RAP1GAP2: variants seen among roughly 807,000 people sequenced by gnomAD.
RAP1GAP2 encodes the protein RAP1 GTPase activating protein 2.
A neutral mutation model predicts 95.0 loss-of-function variants in RAP1GAP2; 27 were observed. The ratio of observed to expected loss-of-function variants is 0.28; its 90% confidence interval spans 0.21 to 0.39. RAP1GAP2 has a LOEUF of 0.39. Ranked by LOEUF, RAP1GAP2 falls within the 10% of genes least tolerant of loss-of-function variation. The probability of loss-of-function intolerance (pLI) is 1.00; values close to 1 mark genes in which losing one functional copy is unlikely to be tolerated. For synonymous variants in RAP1GAP2, 373 were observed against 380.9 expected, an observed-to-expected ratio of 0.98 and a Z score of 0.24; for missense variants, 771 against 970.0, an observed-to-expected ratio of 0.79 and a Z score of 2.72.
Position 2,871,377 on chromosome 17 carries a change from C to T in RAP1GAP2, c.81-33907C>T, listed in dbSNP as rs1371740758. On this transcript the variant is annotated intron_variant, in intron 2 of 24. Transcript: ENST00000254695. The surrounding 1 kb of genome is among the most constrained non-coding windows in gnomAD (Gnocchi z 5.0). ...ATTGGCCTGGATTGTGTGTCCATCTCAGTCCCTATGTGCAGGGGTGGGAGC... is the reference window on the plus strand; with the variant it reads ...ATTGGCCTGGATTGTGTGTCCATCTTAGTCCCTATGTGCAGGGGTGGGAGC... 1.3e-5 allele frequency among the ~76,000 whole-genome samples: 2 copies of T among 152,198 alleles called. No homozygotes were observed. The highest frequency in any genetic ancestry group is 2.4e-5 in the African/African-American group (1 of 41,452).
At chr17:2,838,319 T>C (rs969278259) in intron 2 of RAP1GAP2, among the ~76,000 whole-genome samples, 20 of 151,964 alleles carry the variant, frequency 1.3e-4, no homozygotes, top group Admixed American at 3.9e-4. Context: ...CGCCCGGCCT[T>C]GTGTTCCTTC....
At chr17:2,787,800 C>T (rs572084978) in intron 1 of RAP1GAP2, among the ~76,000 whole-genome samples, 13 of 152,160 alleles carry the variant, frequency 8.5e-5, no homozygotes, top group Admixed American at 6.5e-5. Context: ...ATCTCCTGAC[C>T]TCGTGATCTG....
chr17:2,948,884 C>T (rs960224842), intron 3 of RAP1GAP2, among the ~76,000 whole-genome samples: 3 of 152,196 alleles, frequency 2.0e-5, no homozygotes, highest in African/African-American at 4.8e-5. Flanking sequence ...GCTTCTTCTG[C>T]TTTGCCGCCT....
In RAP1GAP2 at chr17:3,027,087, GGT is replaced by G; in HGVS notation, c.2107+25_2107+26del. The G allele has an allele frequency of 6.4e-7, 1 of 1,566,818 alleles. No individual in the cohort carries two copies. The highest frequency in any genetic ancestry group is 2.4e-5 in the East Asian group (1 of 42,150). ...GTCCCACAGGTCAGTGGCATCTGGT[GGT>G]GTGTGTGACGTCACCAGGAGGGCAG... On this transcript the variant is annotated intron_variant, in intron 22 of 24. Coordinates refer to ENST00000254695, the MANE Select transcript of RAP1GAP2 (RefSeq NM_015085.5). The surrounding 1 kb of genome is among the most constrained non-coding windows in gnomAD (Gnocchi z 5.2).
chr17:2,949,271 A>C (rs991715692), intron 3 of RAP1GAP2, among the ~76,000 whole-genome samples: 1 of 152,196 alleles, frequency 6.6e-6, no homozygotes, highest in African/African-American at 2.4e-5. Flanking sequence ...GGACGCTGCT[A>C]TTGATGAGGA....
chr17:2,986,741 C>T (rs2151552325), intron 11 of RAP1GAP2, among the ~76,000 whole-genome samples: 1 of 152,252 alleles, frequency 6.6e-6, no homozygotes, highest in African/African-American at 2.4e-5. Flanking sequence ...TCCCTGAGTG[C>T]ACAGTCCAGC....
intron 3 of RAP1GAP2, among the ~76,000 whole-genome samples, chr17:2,935,595 G>A (rs936470767): frequency 2.0e-5 from 3 of 151,472 alleles, no homozygotes; most frequent in East Asian, 1.9e-4. Flanking sequence ...TCACCCCCCC[G>A]CCCCCATCCT....
At chr17:2,814,090 A>T (rs1038448666) in intron 2 of RAP1GAP2, among the ~76,000 whole-genome samples, 3 of 152,156 alleles carry the variant, frequency 2.0e-5, no homozygotes, top group African/African-American at 7.2e-5. Context: ...GTTCACCTTG[A>T]CAGCATTCTC....
At chr17:2,831,512 G>A (rs555162457) in intron 2 of RAP1GAP2, among the ~76,000 whole-genome samples, 1 of 151,662 alleles carries the variant, frequency 6.6e-6, no homozygotes, top group Non-Finnish European at 1.5e-5. Flanking sequence ...AAAAATAACT[G>A]TGTAGTATTT....
intron 2 of RAP1GAP2, among the ~76,000 whole-genome samples, chr17:2,852,373 C>T (rs979818760): frequency 1.1e-4 from 16 of 152,132 alleles, no homozygotes; most frequent in Non-Finnish European, 1.5e-4. Context: ...CCAGTGGTAA[C>T]GGCTGCTTCA....
chr17:2,967,105 A>C (rs948796580), intron 8 of RAP1GAP2, among the ~76,000 whole-genome samples: 25 of 152,214 alleles, frequency 1.6e-4, no homozygotes, highest in Non-Finnish European at 2.9e-4. Flanking sequence ...ACGGTGGCTC[A>C]CGCCTGTAAT....
chr17:3,005,394 T>C lies in RAP1GAP2; in HGVS notation c.1226T>C (p.Val409Ala), dbSNP rs2046300797. Residue 409 changes from valine to alanine, a missense_variant, in exon 15 of 25, where the codon GTG (valine) becomes GCG (alanine). By Grantham distance (64) the Val-to-Ala change is moderately conservative. Transcript: ENST00000254695. The surrounding 1 kb of genome is among the most constrained non-coding windows in gnomAD (Gnocchi z 5.2). ...YKVSVTAREDVPTFGPPLPSP... is the reference protein window; with the variant it reads ...YKVSVTAREDAPTFGPPLPSP... Reference sequence around the variant, plus strand: ...GTCTCTGTCACTGCGCGGGAAGATGTGCCCACCTTTGGTCCACCTCTGCCC... The same window carrying C: ...GTCTCTGTCACTGCGCGGGAAGATGCGCCCACCTTTGGTCCACCTCTGCCC... 6.2e-7 allele frequency: 1 copy of C among 1,613,936 alleles called. No individual in the cohort carries two copies.
intron 2 of RAP1GAP2, among the ~76,000 whole-genome samples, chr17:2,888,951 C>T (rs1056047921): frequency 6.6e-6 from 1 of 151,862 alleles, no homozygotes; most frequent in Admixed American, 6.6e-5. Flanking sequence ...TGTGAGCCAC[C>T]GTGCCTGGCC....
At chr17:2,936,473 C>A (rs955943366) in intron 3 of RAP1GAP2, among the ~76,000 whole-genome samples, 4 of 151,882 alleles carry the variant, frequency 2.6e-5, no homozygotes, top group Non-Finnish European at 4.4e-5. Flanking sequence ...CACTCACCTT[C>A]TTCCTCCCTC....
rs200157429 is a variant in RAP1GAP2 at position 2,903,241 on chromosome 17, A to G, written c.81-2043A>G. On this transcript the variant is annotated intron_variant, in intron 2 of 24. Transcript: ENST00000254695. The surrounding 1 kb of genome is among the most constrained non-coding windows in gnomAD (Gnocchi z 4.1). Reference sequence around the variant, plus strand: ...GAGGGTGATGCCCTCCTGCTTGATCATTCTTCCTTTCCCCCATCATGGCTC... The same window carrying G: ...GAGGGTGATGCCCTCCTGCTTGATCGTTCTTCCTTTCCCCCATCATGGCTC... 1.1e-4 allele frequency among the ~76,000 whole-genome samples: 17 copies of G among 152,118 alleles called. No individual in the cohort carries two copies. In the East Asian group the frequency reaches 1.9e-3, roughly 17 times the overall value.
At chr17:2,862,287 G>T (rs1203532491) in intron 2 of RAP1GAP2, among the ~76,000 whole-genome samples, 1 of 152,168 alleles carries the variant, frequency 6.6e-6, no homozygotes, top group Admixed American at 6.6e-5. Context: ...GGGGCAGTGG[G>T]CGTCTGAATT....
At chr17:2,991,435 C>T in intron 12 of RAP1GAP2, 38 bp downstream of exon 12, 1 of 1,490,260 alleles carries the variant, frequency 6.7e-7, no homozygotes. Context: ...GCTCCATCAA[C>T]AAGGGCACTA....
chr17:3,004,816 A>G lies in RAP1GAP2; in HGVS notation c.1201-553A>G, dbSNP rs775406251. Among the ~76,000 whole-genome samples, 9 of 152,162 alleles carry G rather than the reference A, an allele frequency of 5.9e-5. No individual in the cohort carries two copies. Among genetic ancestry groups the G allele is most frequent in the Non-Finnish European group, 1.2e-4 (8 of 68,020 alleles). Reference sequence around the variant, plus strand: ...GCCAGAGCCCATGAACCCAGTCTGTATTTTTAAACACCTGAAGCAATTTTG... The same window carrying G: ...GCCAGAGCCCATGAACCCAGTCTGTGTTTTTAAACACCTGAAGCAATTTTG... On this transcript the variant is annotated intron_variant, in intron 14 of 24. Transcript: ENST00000254695. The surrounding 1 kb of genome is among the most constrained non-coding windows in gnomAD (Gnocchi z 4.1).
In RAP1GAP2 at chr17:2,867,517, TC is replaced by T. The variant is rs1180368019; in HGVS notation, c.81-37764del. Among the ~76,000 whole-genome samples the T allele has an allele frequency of 6.6e-6, 1 of 152,116 alleles. No individual in the cohort carries two copies. Among genetic ancestry groups the T allele is most frequent in the African/African-American group, 2.4e-5 (1 of 41,424 alleles). ...TACCAACAGGAAGAGCAAATCTGTT[TC>T]CCAATCATTTCAGCAGATGTCCCAG... On this transcript the variant is annotated intron_variant, in intron 2 of 24. Transcript: ENST00000254695. The surrounding 1 kb of genome is among the most constrained non-coding windows in gnomAD (Gnocchi z 4.5).
Sources: allele counts gnomAD v4.1 joint callset (sites outside exome capture counted in the v4.1 genomes callset), GRCh38; gene constraint gnomAD v4.1.1; non-coding constraint Gnocchi (gnomAD v3.1); transcripts MANE v1.5; gene names NCBI Gene and HGNC (gene_info 2026-07-23, HGNC 2026-07-21).